ZNF638: variants seen among roughly 807,000 people sequenced by gnomAD.
The protein encoded by ZNF638 is CTCL tumor antigen se33-1.
Under a neutral mutation model 195.6 loss-of-function variants are expected in ZNF638, and 46 were observed. The observed-to-expected ratio is 0.24, with a 90% CI of 0.19 to 0.30. ZNF638 has a LOEUF of 0.30. Among genes scored for constraint, ZNF638 ranks in the 10% least tolerant of loss-of-function variants. The pLI is 1.00. For missense variants in ZNF638, 2,440 were observed against 2,325.3 expected (o/e 1.05, Z -1.01); for synonymous variants, 845 against 772.0 (o/e 1.09, Z -1.57).
rs780000941 is a variant in ZNF638, at chr2:71,406,273, C to G, written c.3135+11C>G. The stretch of plus-strand genomic sequence containing the variant: ...AGTAATAGAAACAAGGTAACAAGTT[C>G]CCTCATAATTTAGCTATTCATTCTG... On this transcript the variant is annotated intron_variant, in intron 19 of 27. Coordinates refer to ENST00000264447, the MANE Select transcript of ZNF638 (RefSeq NM_014497.5). 1.2e-6 allele frequency: 2 copies of G among 1,607,206 alleles called. No individual in the cohort carries two copies. The highest frequency in any genetic ancestry group is 2.7e-5 in the African/African-American group (2 of 74,810).
intron 1 of ZNF638, among the ~76,000 whole-genome samples, chr2:71,337,534 G>A (rs2542493): frequency 0.16 from 23,585 of 151,692 alleles, 2,350 homozygotes; most frequent in East Asian, 0.57. Flanking sequence ...CAAGTGGCTG[G>A]GAGTACTGGC....
At chr2:71,397,135 C>G (rs973062663) in intron 11 of ZNF638, among the ~76,000 whole-genome samples, 3 of 152,160 alleles carry the variant, frequency 2.0e-5, no homozygotes, top group African/African-American at 4.8e-5. Flanking sequence ...TTTGCCAACA[C>G]TTTGATGTTA....
Position 71,422,807 on chromosome 2 carries a change from CT to C in ZNF638, c.3300-3del, listed in dbSNP as rs562416123. ...TGTTCTTTTTGTTTGTTTTTAAATACTTTTAGCCCTGGCTTGAAAAACAGTC... is the reference window on the plus strand; with the variant it reads ...TGTTCTTTTTGTTTGTTTTTAAATACTTTAGCCCTGGCTTGAAAAACAGTC... On this transcript the variant is annotated splice_polypyrimidine_tract_variant and splice_region_variant and intron_variant, in intron 21 of 27. Transcript: ENST00000264447. 1.2e-6 allele frequency: 2 copies of C among 1,602,224 alleles called. No homozygotes were observed. The highest frequency in any genetic ancestry group is 1.7e-6 in the Non-Finnish European group (2 of 1,174,910).
Position 71,364,117 on chromosome 2 carries a change from C to T in ZNF638, c.1582C>T (p.Arg528Cys), listed in dbSNP as rs778006667. The change falls in exon 5 of 28, where the codon CGT (arginine) becomes TGT (cysteine). Residue 528 changes from arginine (R) to cysteine (C), a missense_variant. Physicochemically the swap from Arg to Cys is radical, Grantham distance 180. Coordinates refer to ENST00000264447, the MANE Select transcript of ZNF638 (RefSeq NM_014497.5). Reference sequence around the variant, plus strand: ...AAGTCGAAGTCCAAGAATTTGCCATCGTTTCATTTCTAGATACAGATCCAG... The same window carrying T: ...AAGTCGAAGTCCAAGAATTTGCCATTGTTTCATTTCTAGATACAGATCCAG... ...PRSRSPRICH[R>C]FISRYRSRSR... 2 of 1,614,082 alleles carry T rather than the reference C, an allele frequency of 1.2e-6. No homozygotes were observed. Among genetic ancestry groups the T allele is most frequent in the Non-Finnish European group, 1.7e-6 (2 of 1,180,010 alleles).
chr2:71,410,979 CACCT>C (rs1558876361), intron 20 of ZNF638, among the ~76,000 whole-genome samples: 52 of 63,644 alleles, frequency 8.2e-4, no homozygotes, highest in African/African-American at 2.2e-3. Flanking sequence ...CCCCACCCAC[CACCT>C]CCCCCCCCCT....
chr2:71,410,111 G>C (rs969015063), intron 20 of ZNF638, among the ~76,000 whole-genome samples: 1 of 152,126 alleles, frequency 6.6e-6, no homozygotes, highest in Non-Finnish European at 1.5e-5. Context: ...GTCTGATTTA[G>C]ATCAAAACTA....
At chr2:71,394,063 A>G (rs560038513) in intron 10 of ZNF638, among the ~76,000 whole-genome samples, 5 of 152,324 alleles carry the variant, frequency 3.3e-5, no homozygotes, top group African/African-American at 1.2e-4. Context: ...AAAGCCAGGA[A>G]AGTAATGGAT....
At chr2:71,378,630 T>C (rs907073965) in intron 8 of ZNF638, among the ~76,000 whole-genome samples, 9 of 152,240 alleles carry the variant, frequency 5.9e-5, no homozygotes, top group Admixed American at 2.6e-4. Flanking sequence ...ATATGTATTA[T>C]GTTTGTTTTC....
rs1413270113 is a variant in ZNF638 at position 71,424,686 on chromosome 2, A to G, written c.4561A>G (p.Thr1521Ala). ...AEQNTKNPKS[T>A]TGRSSKSKEE... ...GCAAAACACTAAGAATCCTAAAAGC[A>G]CTACTGGTAGAAGTTCCAAATCTAA... is the stretch of plus-strand genomic sequence containing the variant. The change falls in exon 23 of 28, where the codon ACT (threonine) becomes GCT (alanine). Residue 1521 changes from threonine to alanine, a missense_variant. By Grantham distance (58) the Thr-to-Ala change is moderately conservative (BLOSUM62 0). Transcript: ENST00000264447. 8 of 1,613,282 alleles carry G rather than the reference A, an allele frequency of 5.0e-6. No homozygotes were observed. The highest frequency in any genetic ancestry group is 6.8e-6 in the Non-Finnish European group (8 of 1,179,746).
chr2:71,399,457 CT>C, intron 12 of ZNF638, 101 bp from the exon 13 acceptor site: 1 of 756,382 alleles, frequency 1.3e-6, no homozygotes, highest in African/African-American at 1.8e-5. Flanking sequence ...AAAAGAGCTG[CT>C]TTTGTAATAA....
At chr2:71,357,367 A>G (rs1318756711) in intron 3 of ZNF638, among the ~76,000 whole-genome samples, 1 of 152,196 alleles carries the variant, frequency 6.6e-6, no homozygotes, top group Non-Finnish European at 1.5e-5. Context: ...TTACTATCCT[A>G]TATAGATGCT....
chr2:71,394,146 C>A (rs1335228867), intron 10 of ZNF638, among the ~76,000 whole-genome samples: 1 of 152,136 alleles, frequency 6.6e-6, no homozygotes, highest in Non-Finnish European at 1.5e-5. Context: ...ACATCTTAGA[C>A]TGGAGCCCCC....
intron 10 of ZNF638, chr2:71,388,796 A>G: frequency 1.2e-6 from 1 of 808,720 alleles, no homozygotes; most frequent in Admixed American, 2.0e-5. Context: ...TCATGAGACA[A>G]CAGCTGTCCG....
rs2079512489 is a variant in ZNF638 at position 71,380,269 on chromosome 2, A to C, written c.2313A>C (p.Ala771=). Residue 771 remains alanine (A), a synonymous_variant, in exon 9 of 28, where the codon GCA becomes GCC. Coordinates refer to ENST00000264447, the MANE Select transcript of ZNF638 (RefSeq NM_014497.5). ...CTTTAGAGTCAAAGAAAGTATCTGC[A>C]TCTACCTTAAAGTAAGTGACTTTAT... is the stretch of plus-strand genomic sequence containing the variant. ...KKTLESKKVS[A]STLKRDADAS... 6.4e-7 allele frequency: 1 copy of C among 1,568,094 alleles called. No homozygotes were observed. The highest frequency in any genetic ancestry group is 1.4e-5 in the African/African-American group (1 of 72,580).
At chr2:71,361,298 A>G (rs1252984893) in intron 3 of ZNF638, among the ~76,000 whole-genome samples, 1 of 152,226 alleles carries the variant, frequency 6.6e-6, no homozygotes, top group Non-Finnish European at 1.5e-5. Flanking sequence ...CTTGTGAACC[A>G]TAAACTAGAG....
intron 7 of ZNF638, among the ~76,000 whole-genome samples, chr2:71,369,280 G>A (rs1161573500): frequency 1.4e-5 from 2 of 147,222 alleles, no homozygotes; most frequent in Admixed American, 6.9e-5. Context: ...TAGAGATGGC[G>A]CCGCTGCACT....
chr2:71,393,570 C>G (rs1288238505), intron 10 of ZNF638: 4 of 717,916 alleles, frequency 5.6e-6, no homozygotes, highest in Non-Finnish European at 2.6e-6. Context: ...AGACAACTTA[C>G]AAGGCTGAGC....
chr2:71,391,339 A>G (rs1221950881), intron 10 of ZNF638, among the ~76,000 whole-genome samples: 2 of 152,212 alleles, frequency 1.3e-5, no homozygotes, highest in Non-Finnish European at 2.9e-5. Context: ...TACATTTACC[A>G]TACTAGCTAT....
chr2:71,410,104 TGATTTA>T (rs1461860795), intron 20 of ZNF638, among the ~76,000 whole-genome samples: 4 of 152,230 alleles, frequency 2.6e-5, no homozygotes, highest in African/African-American at 4.8e-5. Flanking sequence ...AGGAGAAGTC[TGATTTA>T]GATCAAAACT....
Sources: allele counts gnomAD v4.1 joint callset (sites outside exome capture counted in the v4.1 genomes callset), GRCh38; gene constraint gnomAD v4.1.1; transcripts MANE v1.5; gene names NCBI Gene and HGNC (gene_info 2026-07-23, HGNC 2026-07-21).